MAP2: variants seen among roughly 807,000 people sequenced by gnomAD.
The protein encoded by MAP2 is microtubule associated protein 2.
A neutral mutation model predicts 137.6 loss-of-function variants in MAP2; 14 were observed. The observed-to-expected ratio is 0.10, with a 90% CI of 0.07 to 0.16. The LOEUF is 0.16. MAP2 is among the 10% of genes least tolerant of loss of function. The pLI is 1.00. For missense variants in MAP2, 2,088 were observed against 2,191.5 expected (o/e 0.95, Z 0.94); for synonymous variants, 786 against 782.3 (o/e 1.00, Z -0.08).
At position 209,566,341 on chromosome 2, in the gene MAP2, C is replaced by T. The variant is rs534833496; in HGVS notation, c.-171-13695C>T. On this transcript the variant is annotated intron_variant, in intron 2 of 15. Coordinates refer to ENST00000682079, the MANE Select transcript of MAP2 (RefSeq NM_001375505.1). ...ATTTATAAGGCTGTATTGGAAGGCA[C>T]GTGAAACTAAAATCTTCCTTGGAAC... Among the ~76,000 whole-genome samples, 5 of 152,228 alleles carry T rather than the reference C, an allele frequency of 3.3e-5. No homozygotes were observed. In the East Asian group the frequency reaches 5.8e-4, roughly 18 times the overall value.
At chr2:209,653,111 A>G in intron 4 of MAP2, 31 bp from the exon 5 acceptor site, 1 of 1,497,558 alleles carries the variant, frequency 6.7e-7, no homozygotes, top group South Asian at 1.4e-5. Flanking sequence ...AGATTTCCCC[A>G]AAGTAATAGC....
Position 209,527,452 on chromosome 2 carries a change from C to T in MAP2, c.-172+19811C>T, listed in dbSNP as rs1474844494. On this transcript the variant is annotated intron_variant, in intron 2 of 15. Transcript: ENST00000682079. ...TTAGTCACTATTTTCACGCATACAC[C>T]GATGCCTACTGTTGTCTGGTCTTCC... 3.3e-5 allele frequency among the ~76,000 whole-genome samples: 5 copies of T among 152,072 alleles called. No individual in the cohort carries two copies. The South Asian group carries it at 6.2e-4, about 19-fold the overall frequency.
At chr2:209,482,342 TCA>T (rs375607137) in intron 1 of MAP2, among the ~76,000 whole-genome samples, 197 of 152,246 alleles carry the variant, frequency 1.3e-3, no homozygotes, top group African/African-American at 4.5e-3. Flanking sequence ...TAAAAAAAAC[TCA>T]CAGTCATCAT....
intron 3 of MAP2, among the ~76,000 whole-genome samples, chr2:209,581,256 T>TGA (rs1043094317): frequency 2.0e-5 from 3 of 152,056 alleles, no homozygotes; most frequent in African/African-American, 7.2e-5. Flanking sequence ...GTAATTATTG[T>TGA]GAGAGAGAGA....
At chr2:209,670,183 C>G (rs1450674328) in intron 5 of MAP2, among the ~76,000 whole-genome samples, 2 of 151,878 alleles carry the variant, frequency 1.3e-5, no homozygotes, top group Non-Finnish European at 2.9e-5. Context: ...ATTTCTCTTT[C>G]TCAAGTTAAG....
chr2:209,662,484 A>G (rs969830765), intron 5 of MAP2, among the ~76,000 whole-genome samples: 1 of 152,188 alleles, frequency 6.6e-6, no homozygotes, highest in African/African-American at 2.4e-5. Flanking sequence ...GTTTGTTTTT[A>G]AGTGCAAATA....
chr2:209,480,024 G>A (rs976659397), intron 1 of MAP2, among the ~76,000 whole-genome samples: 2 of 152,104 alleles, frequency 1.3e-5, no homozygotes, highest in Admixed American at 6.6e-5. Flanking sequence ...AGTTTGAGCT[G>A]CATTTGACAT....
chr2:209,510,738 A>C lies in MAP2; in HGVS notation c.-172+3097A>C, dbSNP rs186284341. Among the ~76,000 whole-genome samples, 453 of 152,216 alleles carry C rather than the reference A, an allele frequency of 3.0e-3. 5 individuals carry two copies. Among genetic ancestry groups the C allele is most frequent in the Non-Finnish European group, 2.6e-3 (180 of 67,976 alleles). On this transcript the variant is annotated intron_variant, in intron 2 of 15. Transcript: ENST00000682079. ...CATTAAAAATATCAATCTAAACAGC[A>C]TAACTTGTTTTTAGATAGAATGACG... is the stretch of plus-strand genomic sequence containing the variant.
intron 3 of MAP2, among the ~76,000 whole-genome samples, chr2:209,615,416 C>T (rs981648279): frequency 1.3e-5 from 2 of 152,162 alleles, no homozygotes; most frequent in Admixed American, 6.5e-5. Flanking sequence ...CAAGAAACCA[C>T]AGATTAAAAT....
intron 14 of MAP2, among the ~76,000 whole-genome samples, chr2:209,729,229 C>T (rs1165003849): frequency 6.6e-6 from 1 of 152,188 alleles, no homozygotes; most frequent in Non-Finnish European, 1.5e-5. Context: ...GGTCCTATGG[C>T]ATCCATACAA....
intron 4 of MAP2, among the ~76,000 whole-genome samples, chr2:209,639,297 T>C (rs1434152517): frequency 2.0e-5 from 3 of 152,184 alleles, no homozygotes; most frequent in African/African-American, 7.2e-5. Context: ...TTATCATTCT[T>C]TTCAAAACAT....
At chr2:209,620,948 A>G (rs961364340) in intron 3 of MAP2, among the ~76,000 whole-genome samples, 1 of 152,098 alleles carries the variant, frequency 6.6e-6, no homozygotes, top group Non-Finnish European at 1.5e-5. Context: ...TAATCCTAGC[A>G]TCTTAGGAGG....
At chr2:209,639,587 T>G (rs371680125) in intron 4 of MAP2, among the ~76,000 whole-genome samples, 7 of 151,968 alleles carry the variant, frequency 4.6e-5, no homozygotes, top group South Asian at 4.2e-4. Context: ...CAAGCTCGAG[T>G]GTACCATTTT....
At chr2:209,491,328 C>G (rs912219673) in intron 1 of MAP2, among the ~76,000 whole-genome samples, 2 of 152,162 alleles carry the variant, frequency 1.3e-5, no homozygotes, top group African/African-American at 4.8e-5. Flanking sequence ...GCACTAAATG[C>G]CCACAGGACA....
At position 209,731,702 on chromosome 2, in the gene MAP2, CA is replaced by C. The variant is rs1002667799; in HGVS notation, c.*1308del. On this transcript the variant is annotated 3_prime_UTR_variant, in exon 16 of 16. Coordinates refer to ENST00000682079, the MANE Select transcript of MAP2 (RefSeq NM_001375505.1). Reference sequence around the variant, plus strand: ...TTTGAAACATGTTTTCTCATTTTTCCAAATAGTATCTGTTTATTAAATTCTC... The same window carrying C: ...TTTGAAACATGTTTTCTCATTTTTCCAATAGTATCTGTTTATTAAATTCTC... 6.6e-6 allele frequency: 1 copy of C among 152,142 alleles called. No individual in the cohort carries two copies. The highest frequency in any genetic ancestry group is 6.6e-5 in the Admixed American group (1 of 15,240). 9.4% of individuals were successfully genotyped at this position (152,142 alleles called of 1,614,324 possible).
At chr2:209,452,831 T>A (rs181476259) in intron 1 of MAP2, among the ~76,000 whole-genome samples, 14 of 152,306 alleles carry the variant, frequency 9.2e-5, no homozygotes, top group African/African-American at 3.1e-4. Context: ...TTTGCTGCAA[T>A]CTTATAGCAT....
chr2:209,606,096 T>C (rs557067534), intron 3 of MAP2, among the ~76,000 whole-genome samples: 51 of 152,074 alleles, frequency 3.4e-4, no homozygotes, highest in African/African-American at 1.1e-3. Flanking sequence ...TAGAAAAAAA[T>C]TTCTCCAATG....
intron 1 of MAP2, among the ~76,000 whole-genome samples, chr2:209,456,514 C>A (rs1419724757): frequency 2.0e-5 from 3 of 152,162 alleles, no homozygotes; most frequent in Non-Finnish European, 4.4e-5. Flanking sequence ...ACAAAGGCTG[C>A]AAACTGAGTC....
At chr2:209,515,933 G>A (rs1220542810) in intron 2 of MAP2, among the ~76,000 whole-genome samples, 1 of 151,984 alleles carries the variant, frequency 6.6e-6, no homozygotes, top group Non-Finnish European at 1.5e-5. Flanking sequence ...GGCCACAGGT[G>A]CACACCACTA....
Sources: gnomAD v4.1 joint callset for allele counts (sites outside exome capture counted in the v4.1 genomes callset) on GRCh38, gnomAD v4.1.1 for gene constraint, MANE v1.5 for transcripts, NCBI Gene and HGNC (gene_info 2026-07-23, HGNC 2026-07-21) for gene names.